GPC5: variants seen among roughly 807,000 people sequenced by gnomAD.
GPC5 encodes the protein glypican-5.
Under a neutral mutation model 53.9 loss-of-function variants are expected in GPC5, and 47 were observed. The observed-to-expected ratio is 0.87, with a 90% confidence interval of 0.69 to 1.11. The LOEUF is 1.11. Ranked by LOEUF, GPC5 falls within the 50% of genes most tolerant of loss-of-function variation. The pLI, the probability that GPC5 is intolerant of heterozygous loss-of-function variation, is 0.00. For missense variants in GPC5, 748 were observed against 713.1 expected (o/e 1.05, Z -0.56); for synonymous variants, 286 against 263.3 (o/e 1.09, Z -0.84).
chr13:92,746,998 T>C (rs1413965042), intron 7 of GPC5, among the ~76,000 whole-genome samples: 1 of 152,122 alleles, frequency 6.6e-6, no homozygotes, highest in Non-Finnish European at 1.5e-5. Context: ...AGTTACTACA[T>C]TACATAGCGC....
chr13:92,001,109 A>G (rs973952229), intron 6 of GPC5, among the ~76,000 whole-genome samples: 1 of 152,236 alleles, frequency 6.6e-6, no homozygotes, highest in African/African-American at 2.4e-5. Context: ...TTGTGGTTCC[A>G]GAATAATAGG....
intron 7 of GPC5, among the ~76,000 whole-genome samples, chr13:92,499,156 C>T (rs924676456): frequency 3.3e-5 from 5 of 152,072 alleles, no homozygotes; most frequent in Non-Finnish European, 7.4e-5. Context: ...AGCACACCAA[C>T]AGACGTCCCT....
At chr13:92,194,213 G>T (rs561898928) in intron 7 of GPC5, among the ~76,000 whole-genome samples, 2 of 152,164 alleles carry the variant, frequency 1.3e-5, no homozygotes, top group Non-Finnish European at 2.9e-5. Flanking sequence ...ACAAGGTGAT[G>T]ATCAGAGAGT....
At chr13:92,678,166 A>G (rs967857703) in intron 7 of GPC5, among the ~76,000 whole-genome samples, 7 of 152,210 alleles carry the variant, frequency 4.6e-5, no homozygotes, top group African/African-American at 7.2e-5. Flanking sequence ...ACACTTTTTA[A>G]GGAATTAGGA....
At chr13:91,851,553 G>C (rs540019945) in intron 5 of GPC5, among the ~76,000 whole-genome samples, 2 of 150,914 alleles carry the variant, frequency 1.3e-5, no homozygotes, top group East Asian at 2.0e-4. Context: ...ACATTGTGCA[G>C]GTTAGTTACA....
At chr13:91,700,610 T>A (rs539166955) in intron 3 of GPC5, among the ~76,000 whole-genome samples, 20 of 152,292 alleles carry the variant, frequency 1.3e-4, no homozygotes, top group Admixed American at 2.0e-4. Flanking sequence ...TAGAATGTAA[T>A]GTTGTGAAGA....
chr13:92,676,677 G>A (rs1235189771), intron 7 of GPC5, among the ~76,000 whole-genome samples: 1 of 152,038 alleles, frequency 6.6e-6, no homozygotes, highest in African/African-American at 2.4e-5. Flanking sequence ...GACCGACATT[G>A]AGCCTACCCC....
intron 7 of GPC5, among the ~76,000 whole-genome samples, chr13:92,476,713 C>G (rs1324656391): frequency 6.7e-6 from 1 of 148,616 alleles, no homozygotes; most frequent in Non-Finnish European, 1.5e-5. Context: ...ACTATGCAGC[C>G]ATAAAAAATG....
At chr13:92,359,008 C>A (rs1260010170) in intron 7 of GPC5, among the ~76,000 whole-genome samples, 1 of 151,726 alleles carries the variant, frequency 6.6e-6, no homozygotes, top group African/African-American at 2.4e-5. Context: ...TTTTTCTTTT[C>A]TGCCACATGG....
At chr13:91,651,017 G>C (rs1397471643) in intron 2 of GPC5, among the ~76,000 whole-genome samples, 2 of 152,092 alleles carry the variant, frequency 1.3e-5, no homozygotes, top group South Asian at 2.1e-4. Context: ...GTCAGGCTGG[G>C]TTCTCAGTAG....
intron 7 of GPC5, among the ~76,000 whole-genome samples, chr13:92,351,543 G>A (rs1214276782): frequency 6.6e-6 from 1 of 151,806 alleles, no homozygotes; most frequent in Non-Finnish European, 1.5e-5. Flanking sequence ...TATAAGGATT[G>A]TAATTGAGAA....
intron 6 of GPC5, among the ~76,000 whole-genome samples, chr13:92,007,414 T>C (rs925538941): frequency 2.2e-4 from 33 of 152,312 alleles, no homozygotes; most frequent in African/African-American, 7.7e-4. Flanking sequence ...ATTAGGTTCA[T>C]ACACGTTTAG....
intron 7 of GPC5, among the ~76,000 whole-genome samples, chr13:92,527,116 G>T (rs1320205531): frequency 3.3e-5 from 2 of 61,256 alleles, no homozygotes; most frequent in Non-Finnish European, 6.9e-5. Flanking sequence ...AAAAAAGAAA[G>T]AAAGAAAGAA....
chr13:91,964,089 GT>G (rs918257372), intron 6 of GPC5, among the ~76,000 whole-genome samples: 3 of 152,148 alleles, frequency 2.0e-5, no homozygotes, highest in African/African-American at 4.8e-5. Context: ...TGTGTCCAGA[GT>G]TTTTTCCTTC....
At chr13:91,527,802 C>T (rs1461919852) in intron 2 of GPC5, among the ~76,000 whole-genome samples, 4 of 152,256 alleles carry the variant, frequency 2.6e-5, no homozygotes, top group African/African-American at 9.6e-5. Context: ...TGCACACCCA[C>T]TGGCCCAGCA....
chr13:91,691,000 T>C (rs1377205842), intron 2 of GPC5, among the ~76,000 whole-genome samples: 1 of 152,242 alleles, frequency 6.6e-6, no homozygotes, highest in South Asian at 2.1e-4. Context: ...TCGCGGTTCT[T>C]AGCCACACAC....
At chr13:92,756,953 C>A (rs1487239679) in intron 7 of GPC5, among the ~76,000 whole-genome samples, 4 of 151,848 alleles carry the variant, frequency 2.6e-5, no homozygotes, top group African/African-American at 7.3e-5. Flanking sequence ...GCTACCAATG[C>A]CTTTCTTCAC....
intron 7 of GPC5, among the ~76,000 whole-genome samples, chr13:92,429,657 A>C (rs2374012): frequency 0.15 from 22,838 of 151,912 alleles, 2,136 homozygotes; most frequent in East Asian, 0.47. Context: ...CTCTCTGGAA[A>C]TTTTACTTTT....
intron 7 of GPC5, among the ~76,000 whole-genome samples, chr13:92,450,400 C>A (rs1878012404): frequency 6.6e-6 from 1 of 152,064 alleles, no homozygotes; most frequent in Non-Finnish European, 1.5e-5. Context: ...ATACCCATAA[C>A]CTGAAGCTAA....
Sources: allele counts gnomAD v4.1 joint callset (sites outside exome capture counted in the v4.1 genomes callset), GRCh38; gene constraint gnomAD v4.1.1; transcripts MANE v1.5; gene names NCBI Gene and HGNC (gene_info 2026-07-23, HGNC 2026-07-21).